The following MYRF variants were observed in gnomAD, a reference collection of about 807,000 sequenced individuals.
MYRF encodes myelin regulatory factor, also known as myelin gene regulatory factor.
MYRF carries 16 observed loss-of-function variants against 126.3 expected under a neutral mutation model. That is an observed-to-expected ratio of 0.13 (90% CI 0.09 to 0.19). The LOEUF (loss-of-function observed/expected upper bound fraction) is 0.19, where lower values mean the gene tolerates loss of function less well. Among genes scored for constraint, MYRF ranks in the 10% least tolerant of loss-of-function variants. The pLI is 1.00. For synonymous variants in MYRF, 608 were observed against 635.3 expected (o/e 0.96, Z 0.65); for missense variants, 1,104 against 1,547.0 (o/e 0.71, Z 4.80).
At chr11:61,768,130 A>G (rs1456059319) in intron 3 of MYRF, among the ~76,000 whole-genome samples, 2 of 151,942 alleles carry the variant, frequency 1.3e-5, no homozygotes, top group Non-Finnish European at 2.9e-5. Context: ...AAAAAAAAAA[A>G]AAAGAAAGAA....
intron 8 of MYRF, among the ~76,000 whole-genome samples, 177 bp from the exon 9 acceptor site, chr11:61,775,879 T>G (rs1591115475): frequency 1.4e-5 from 2 of 142,770 alleles, no homozygotes; most frequent in African/African-American, 2.6e-5. Flanking sequence ...AAGTAGGGTG[T>G]GGGGGGGTGT....
chr11:61,752,923 C>G (rs1300662040), intron 1 of MYRF, 133 bp downstream of exon 1: 6 of 867,262 alleles, frequency 6.9e-6, no homozygotes, highest in Non-Finnish European at 9.9e-6. Context: ...GGCACCAGCC[C>G]GCCAAGACAG....
At chr11:61,780,061 C>T (rs1206439651) in intron 17 of MYRF, 131 bp downstream of exon 17, 44 of 1,202,548 alleles carry the variant, frequency 3.7e-5, no homozygotes, top group Admixed American at 4.0e-5. Context: ...GCTGAGGTCT[C>T]GGTGAGGTGG....
rs1478529346 is a variant in MYRF, at chr11:61,757,802, T to C, written c.46+5012T>C. 3.0e-6 allele frequency: 1 copy of C among 335,992 alleles called. No homozygotes were observed. Among genetic ancestry groups the C allele is most frequent in the Non-Finnish European group, 5.9e-6 (1 of 169,270 alleles). The allele number at this position is 335,992 out of a possible 1,614,324, so 20.8% of individuals were successfully genotyped here. A position where few individuals can be genotyped will look rare whatever the true frequency, so the allele number is the denominator to read the frequency against. ...AGCGTGGGTGACGGCCTCCCATTTC[T>C]GAGGGGGACTGTGAGGCAGGACAGG... is the stretch of plus-strand genomic sequence containing the variant. On this transcript the variant is annotated intron_variant, in intron 1 of 26. Transcript: ENST00000278836. This position sits in a 1 kb window ranked among gnomAD's most constrained non-coding sequence, Gnocchi z 4.7.
rs780590786 is a variant in MYRF at position 61,777,487 on chromosome 11, C to A, written c.1791+23C>A. On this transcript the variant is annotated intron_variant, in intron 12 of 26. Coordinates refer to ENST00000278836, the MANE Select transcript of MYRF (RefSeq NM_001127392.3). This position sits in a 1 kb window ranked among gnomAD's most constrained non-coding sequence, Gnocchi z 8.8. ...GAGGTGGGGACAGGGCTGTGGGGGCCGGGCGGGTCCAGACGCTGGAGCGGG... is the reference window on the plus strand; with the variant it reads ...GAGGTGGGGACAGGGCTGTGGGGGCAGGGCGGGTCCAGACGCTGGAGCGGG... 26 of 1,229,794 alleles carry A rather than the reference C, an allele frequency of 2.1e-5. No individual in the cohort carries two copies. The East Asian group carries it at 1.1e-3, about 54-fold the overall frequency. The allele number at this position is 1,229,794 out of a possible 1,614,324, so 76.2% of individuals were successfully genotyped here.
chr11:61,771,929 G>A lies in MYRF; in HGVS notation c.1092G>A (p.Leu364=). The change falls in exon 7 of 27, where the codon CTG becomes CTA. Residue 364 remains leucine, a synonymous_variant. Transcript: ENST00000278836. Reference sequence around the variant, plus strand: ...ATCAGCAGAACAAGTGGGCGACCCTGTACGATGCTAACTACAAGGAGCTGT... The same window carrying A: ...ATCAGCAGAACAAGTGGGCGACCCTATACGATGCTAACTACAAGGAGCTGT... ...QPHQQNKWAT[L]YDANYKELPM... is the part of the protein sequence containing the mutation. 1.2e-6 allele frequency: 2 copies of A among 1,614,104 alleles called. No individual in the cohort carries two copies. Among genetic ancestry groups the A allele is most frequent in the Non-Finnish European group, 1.7e-6 (2 of 1,179,988 alleles).
rs1458262346 is a variant in MYRF at position 61,778,839 on chromosome 11, C to CTTACCT, written c.2013+350_2013+351insTTACCT. 9.9e-5 allele frequency: 54 copies of CTTACCT among 547,214 alleles called. No homozygotes were observed. In the East Asian group the frequency reaches 2.4e-3, roughly 24 times the overall value. 33.9% of individuals were successfully genotyped at this position (547,214 alleles called of 1,614,324 possible). On this transcript the variant is annotated intron_variant, in intron 14 of 26. Transcript: ENST00000278836. The surrounding 1 kb of genome is among the most constrained non-coding windows in gnomAD (Gnocchi z 4.6). ...AATACGTGGTTTATTGTGAGGACGA[C>CTTACCT]GTTTGTCACTTACCTGTCCTGAGTC...
Position 61,781,124 on chromosome 11 carries a change from T to A in MYRF, c.2573-14T>A. The A allele has an allele frequency of 6.2e-7, 1 of 1,612,888 alleles. No homozygotes were observed. The highest frequency in any genetic ancestry group is 8.5e-7 in the Non-Finnish European group (1 of 1,179,924). On this transcript the variant is annotated splice_polypyrimidine_tract_variant and intron_variant, in intron 20 of 26. Coordinates refer to ENST00000278836, the MANE Select transcript of MYRF (RefSeq NM_001127392.3). ...TGGGGCTTCTCTGGCTCATACAGCC[T>A]CTGGCCTCCTCAGTGACCACCAGCC...
At position 61,784,339 on chromosome 11, in the gene MYRF, A is replaced by G; in HGVS notation, c.3254A>G (p.Glu1085Gly). 1.2e-6 allele frequency: 2 copies of G among 1,613,972 alleles called. No homozygotes were observed. Among genetic ancestry groups the G allele is most frequent in the Non-Finnish European group, 1.7e-6 (2 of 1,180,002 alleles). Residue 1085 changes from glutamate to glycine, a missense_variant, in exon 25 of 27, where the codon GAG (glutamate) becomes GGG (glycine). Coordinates refer to ENST00000278836, the MANE Select transcript of MYRF (RefSeq NM_001127392.3). ...CTGAGGTCAAAGGAGGAACCATGTGAGGAGGGGAGCCTTCCACAGAGTCTC... is the reference window on the plus strand; with the variant it reads ...CTGAGGTCAAAGGAGGAACCATGTGGGGAGGGGAGCCTTCCACAGAGTCTC... ...CSLRSKEEPC[E>G]EGSLPQSLHT...
chr11:61,772,655 CCT>C (rs2066260168), intron 7 of MYRF, among the ~76,000 whole-genome samples: 2 of 152,240 alleles, frequency 1.3e-5, no homozygotes, highest in African/African-American at 4.8e-5. Context: ...GGCACTCCAG[CCT>C]CTCTGGCATG....
At chr11:61,784,025 C>T in intron 24 of MYRF, 100 bp downstream of exon 24, 2 of 1,357,428 alleles carry the variant, frequency 1.5e-6, no homozygotes, top group Non-Finnish European at 2.1e-6. Context: ...CGGAGAGTCT[C>T]TGGTATTTCC....
At chr11:61,762,136 G>A (rs2065916857) in intron 1 of MYRF, among the ~76,000 whole-genome samples, 1 of 152,324 alleles carries the variant, frequency 6.6e-6, no homozygotes, top group Admixed American at 6.5e-5. Context: ...AGCATGGAAT[G>A]GCATGTGTGA....
chr11:61,760,439 C>A (rs555686209), intron 1 of MYRF, among the ~76,000 whole-genome samples: 1 of 152,144 alleles, frequency 6.6e-6, no homozygotes, highest in Non-Finnish European at 1.5e-5. Flanking sequence ...GAAGGCTGAC[C>A]CACTGGAAGG....
At chr11:61,769,192 G>C in intron 3 of MYRF, 68 bp from the exon 4 acceptor site, 2 of 935,068 alleles carry the variant, frequency 2.1e-6, no homozygotes, top group South Asian at 1.5e-5. Context: ...ACCACGCAGA[G>C]AAGCTGCCCA....
Position 61,778,912 on chromosome 11 carries a change from G to T in MYRF, c.2014-351G>T. On this transcript the variant is annotated intron_variant, in intron 14 of 26. Transcript: ENST00000278836. This position sits in a 1 kb window ranked among gnomAD's most constrained non-coding sequence, Gnocchi z 4.6. ...TAGGTCTCCACCCCAGCTGAATAGT[G>T]AAGTGCTGACATCTGAGACACCAGT... 1 of 574,720 alleles carries T rather than the reference G, an allele frequency of 1.7e-6. No homozygotes were observed. Among genetic ancestry groups the T allele is most frequent in the Non-Finnish European group, 3.3e-6 (1 of 303,572 alleles). 35.6% of individuals were successfully genotyped at this position (574,720 alleles called of 1,614,324 possible).
chr11:61,773,004 CTTTTTT>C (rs144470023), intron 7 of MYRF, among the ~76,000 whole-genome samples: 10 of 130,620 alleles, frequency 7.7e-5, no homozygotes, highest in Admixed American at 1.5e-4. Flanking sequence ...AACAGTTGCT[CTTTTTT>C]TTTTTTTTTT....
rs1196308387 is a variant in MYRF at position 61,785,877 on chromosome 11, G to A, written c.3375+3G>A. ...ACCACTTCCGGGTGGCACTGCTGGT[G>A]AGCAGGGGCATCCCACCTACCCTGG... On this transcript the variant is annotated splice_donor_region_variant and intron_variant, in intron 26 of 26. Transcript: ENST00000278836. The A allele has an allele frequency of 1.2e-6, 2 of 1,614,040 alleles. No individual in the cohort carries two copies. Among genetic ancestry groups the A allele is most frequent in the East Asian group, 2.2e-5 (1 of 44,882 alleles).
At chr11:61,765,121 G>A (rs1349579219) in intron 1 of MYRF, among the ~76,000 whole-genome samples, 1 of 152,334 alleles carries the variant, frequency 6.6e-6, no homozygotes, top group African/African-American at 2.4e-5. Context: ...CTGCGTTCCT[G>A]GAGCTGGGCC....
At chr11:61,771,086 G>T (rs2066206581) in intron 5 of MYRF, among the ~76,000 whole-genome samples, 1 of 152,200 alleles carries the variant, frequency 6.6e-6, no homozygotes, top group Admixed American at 6.5e-5. Flanking sequence ...GGTTTTTGTG[G>T]CCCAGGCCCT....
Sources: allele counts gnomAD v4.1 joint callset (sites outside exome capture counted in the v4.1 genomes callset), GRCh38; gene constraint gnomAD v4.1.1; non-coding constraint Gnocchi (gnomAD v3.1); transcripts MANE v1.5; gene names NCBI Gene and HGNC (gene_info 2026-07-23, HGNC 2026-07-21).